ARSB: variants seen among roughly 807,000 people sequenced by gnomAD.
ARSB encodes the protein N-acetylgalactosamine-4-sulfatase.
Under a neutral mutation model 50.9 loss-of-function variants are expected in ARSB, and 41 were observed. The ratio of observed to expected loss-of-function variants is 0.81; its 90% CI spans 0.63 to 1.04. The LOEUF (loss-of-function observed/expected upper bound fraction) is 1.04, where lower values mean the gene tolerates loss of function less well. Ranked by LOEUF, ARSB falls within the 50% of genes least tolerant of loss-of-function variation. The pLI is 0.00. For missense variants in ARSB, 672 were observed against 693.3 expected (o/e 0.97, Z 0.35); for synonymous variants, 269 against 284.8 (o/e 0.94, Z 0.56).
intron 1 of ARSB, among the ~76,000 whole-genome samples, chr5:78,984,578 C>T (rs1182377298): frequency 6.6e-6 from 1 of 152,246 alleles, no homozygotes; most frequent in Non-Finnish European, 1.5e-5. Context: ...TCCCAGCCCA[C>T]GCCCTCCCCA....
At chr5:78,876,543 C>T (rs1747491302) in intron 5 of ARSB, among the ~76,000 whole-genome samples, 1 of 152,184 alleles carries the variant, frequency 6.6e-6, no homozygotes, top group African/African-American at 2.4e-5. Flanking sequence ...CAGTTTACTG[C>T]CTTGAGAGAA....
At chr5:78,972,516 TACACACACAC>T (rs59035274) in intron 1 of ARSB, among the ~76,000 whole-genome samples, 24 of 145,688 alleles carry the variant, frequency 1.6e-4, no homozygotes, top group African/African-American at 5.5e-4. Flanking sequence ...CACGCATACG[TACACACACAC>T]ACACACACAC....
chr5:78,915,614 T>C (rs1271473282), intron 4 of ARSB, among the ~76,000 whole-genome samples: 1 of 152,174 alleles, frequency 6.6e-6, no homozygotes, highest in Non-Finnish European at 1.5e-5. Flanking sequence ...CAGATCTAAG[T>C]GGACACTACA....
chr5:78,826,541 C>G (rs1279818356), intron 6 of ARSB, among the ~76,000 whole-genome samples: 1 of 152,086 alleles, frequency 6.6e-6, no homozygotes. Flanking sequence ...AAGGCAGGTA[C>G]TGGGGGCAGG....
At chr5:78,960,776 G>A (rs1486707048) in intron 3 of ARSB, among the ~76,000 whole-genome samples, 2 of 152,126 alleles carry the variant, frequency 1.3e-5, no homozygotes, top group East Asian at 1.9e-4. Flanking sequence ...TGTTGGTCAG[G>A]GTGGTCTCAA....
At chr5:78,887,375 C>A (rs1329456378) in intron 4 of ARSB, among the ~76,000 whole-genome samples, 1 of 152,104 alleles carries the variant, frequency 6.6e-6, no homozygotes, top group Non-Finnish European at 1.5e-5. Context: ...AGAACTCGAT[C>A]CTGGGAGACA....
At chr5:78,971,883 T>C (rs1413783038) in intron 1 of ARSB, among the ~76,000 whole-genome samples, 1 of 152,254 alleles carries the variant, frequency 6.6e-6, no homozygotes, top group African/African-American at 2.4e-5. Flanking sequence ...TCATTGTATG[T>C]CAATCATATC....
chr5:78,854,110 G>A (rs1479101061), intron 5 of ARSB, among the ~76,000 whole-genome samples: 3 of 152,212 alleles, frequency 2.0e-5, no homozygotes, highest in East Asian at 3.8e-4. Context: ...AGATGAATCC[G>A]GTACCTCAGA....
chr5:78,860,514 C>T (rs1186896172), intron 5 of ARSB, among the ~76,000 whole-genome samples: 5 of 152,122 alleles, frequency 3.3e-5, no homozygotes, highest in African/African-American at 1.2e-4. Flanking sequence ...AGGACTACTG[C>T]ATAAATAATG....
At chr5:78,943,440 G>A (rs887436843) in intron 4 of ARSB, among the ~76,000 whole-genome samples, 7 of 152,282 alleles carry the variant, frequency 4.6e-5, no homozygotes, top group African/African-American at 1.4e-4. Flanking sequence ...CATGTTTAGT[G>A]CTTCCTTCAG....
At chr5:78,925,173 G>A (rs10452492) in intron 4 of ARSB, among the ~76,000 whole-genome samples, 36,353 of 151,934 alleles carry the variant, frequency 0.24, 4,712 homozygotes, top group Admixed American at 0.32. Context: ...TACACAGACC[G>A]TGCCCTAATC....
chr5:78,836,782 G>C (rs1160869670), intron 6 of ARSB, among the ~76,000 whole-genome samples: 1 of 152,162 alleles, frequency 6.6e-6, no homozygotes, highest in African/African-American at 2.4e-5. Flanking sequence ...AGAACTACCT[G>C]AGACTAGGTA....
At chr5:78,854,849 C>T (rs895287264) in intron 5 of ARSB, among the ~76,000 whole-genome samples, 3 of 152,138 alleles carry the variant, frequency 2.0e-5, no homozygotes, top group East Asian at 1.9e-4. Flanking sequence ...TGCTGGGTAT[C>T]GCATGCTTAG....
intron 4 of ARSB, among the ~76,000 whole-genome samples, chr5:78,901,047 G>GGAA (rs376134873): frequency 2.6e-5 from 3 of 115,242 alleles, no homozygotes; most frequent in Non-Finnish European, 5.1e-5. Flanking sequence ...TCCGTCTCAG[G>GGAA]AAAAAAAAAA....
chr5:78,881,910 C>T (rs989134535), intron 5 of ARSB, among the ~76,000 whole-genome samples: 5 of 152,172 alleles, frequency 3.3e-5, no homozygotes, highest in African/African-American at 1.2e-4. Context: ...AATGAAGACC[C>T]AAAGATATAG....
chr5:78,982,630 T>TC (rs1184176914), intron 1 of ARSB, among the ~76,000 whole-genome samples: 2 of 152,242 alleles, frequency 1.3e-5, no homozygotes, highest in African/African-American at 2.4e-5. Context: ...AGTTTCCTTG[T>TC]TACAGAACAG....
intron 4 of ARSB, among the ~76,000 whole-genome samples, chr5:78,909,845 G>C (rs890830456): frequency 5.3e-5 from 8 of 152,188 alleles, no homozygotes; most frequent in African/African-American, 1.9e-4. Context: ...TTGAGATAGA[G>C]GAAGGCCACT....
intron 6 of ARSB, among the ~76,000 whole-genome samples, chr5:78,817,824 A>C (rs1288988898): frequency 6.6e-6 from 1 of 151,160 alleles, no homozygotes; most frequent in Non-Finnish European, 1.5e-5. Flanking sequence ...CAAAAAACCC[A>C]AAAAAACAAA....
intron 6 of ARSB, among the ~76,000 whole-genome samples, chr5:78,827,186 T>C (rs1329522636): frequency 6.6e-6 from 1 of 152,180 alleles, no homozygotes; most frequent in African/African-American, 2.4e-5. Context: ...CTAAACTAGT[T>C]ATAAATATCT....
Sources: gnomAD v4.1 joint callset for allele counts (sites outside exome capture counted in the v4.1 genomes callset) on GRCh38, gnomAD v4.1.1 for gene constraint, MANE v1.5 for transcripts, NCBI Gene and HGNC (gene_info 2026-07-23, HGNC 2026-07-21) for gene names.